The following GATB variants were observed in gnomAD, a reference collection of about 807,000 sequenced individuals.
GATB encodes the protein glutamyl-tRNA amidotransferase subunit B, also known as glutamyl-tRNA(Gln) amidotransferase subunit B, mitochondrial.
In GATB, 39 loss-of-function variants were observed where a neutral mutation model predicts 62.3. The observed-to-expected ratio is 0.63, with a 90% CI of 0.48 to 0.82. GATB has a LOEUF of 0.82. GATB is among the 40% of genes least tolerant of loss of function. The pLI is 0.00. For missense variants in GATB, 670 were observed against 684.0 expected (o/e 0.98, Z 0.23); for synonymous variants, 276 against 258.9 (o/e 1.07, Z -0.63).
chr4:151,716,978 G>C lies in GATB; in HGVS notation c.538C>G (p.Pro180Ala). The change falls in exon 4 of 13, where the codon CCC becomes GCC. Residue 180 changes from proline to alanine, a missense_variant. By Grantham distance (27) the Pro-to-Ala change is conservative (BLOSUM62 -1). Coordinates refer to ENST00000263985, the MANE Select transcript of GATB (RefSeq NM_004564.3). ...CAGKKQSQVI[P>A]KTVRIKQIQL... ...ATCTGCTTGATCCTCACCGTCTTGGGGATCACCTGACTCTGCTTCTTCCCT... is the reference window on the plus strand; with the variant it reads ...ATCTGCTTGATCCTCACCGTCTTGGCGATCACCTGACTCTGCTTCTTCCCT... 3.1e-6 allele frequency: 5 copies of C among 1,614,046 alleles called. No homozygotes were observed. The highest frequency in any genetic ancestry group is 4.2e-6 in the Non-Finnish European group (5 of 1,180,006).
intron 9 of GATB, among the ~76,000 whole-genome samples, chr4:151,693,062 G>A (rs746513199): frequency 2.6e-5 from 4 of 152,214 alleles, no homozygotes; most frequent in African/African-American, 9.6e-5. Context: ...TTGTGCAGAC[G>A]CTGGAGGAGG....
chr4:151,756,381 A>G lies in GATB; in HGVS notation c.327+2391T>C, dbSNP rs552827794. ...CTGTCTAAAGGTTTTAGTGTATTTT[A>G]AATCTATTTAGAGGTAAATCAAAAG... On this transcript the variant is annotated intron_variant, in intron 2 of 12. Transcript: ENST00000263985. 3.7e-4 allele frequency among the ~76,000 whole-genome samples: 56 copies of G among 152,326 alleles called. No individual in the cohort carries two copies. In the South Asian group the frequency reaches 0.011, roughly 31 times the overall value.
chr4:151,686,066 A>AAC (rs1473313055), intron 10 of GATB, among the ~76,000 whole-genome samples: 1 of 122,402 alleles, frequency 8.2e-6, no homozygotes, highest in Non-Finnish European at 1.7e-5. Context: ...AACAAAACAA[A>AAC]ACAAAAAAAA....
At chr4:151,699,164 C>A (rs982098520) in intron 9 of GATB, among the ~76,000 whole-genome samples, 1 of 151,956 alleles carries the variant, frequency 6.6e-6, no homozygotes, top group African/African-American at 2.4e-5. Context: ...CAGAGGCAGG[C>A]GGATCACTTG....
intron 9 of GATB, among the ~76,000 whole-genome samples, chr4:151,697,947 G>GTGTATATATATATATATA (rs1177589943): frequency 0.035 from 2,546 of 73,216 alleles, 274 homozygotes; most frequent in South Asian, 0.18. Context: ...ATGTGTGTGT[G>GTGTATATATATATATATA]TGTGTGTATA....
At chr4:151,672,964 T>A (rs1713510579) in intron 11 of GATB, 68 bp from the exon 12 acceptor site, 11 of 1,570,624 alleles carry the variant, frequency 7.0e-6, no homozygotes, top group Non-Finnish European at 8.7e-6. Context: ...CCATTTGCAG[T>A]GCTGTGCTGT....
chr4:151,692,499 G>C (rs898824501), intron 9 of GATB, among the ~76,000 whole-genome samples: 1 of 152,210 alleles, frequency 6.6e-6, no homozygotes, highest in African/African-American at 2.4e-5. Flanking sequence ...AGGAGAAAAT[G>C]GCAGGTTTAC....
chr4:151,701,779 G>A (rs1443942303), intron 8 of GATB, among the ~76,000 whole-genome samples: 1 of 152,200 alleles, frequency 6.6e-6, no homozygotes, highest in Non-Finnish European at 1.5e-5. Context: ...ACTGGGATTT[G>A]TAACTGTGGA....
Position 151,730,979 on chromosome 4 carries a change from G to C in GATB, c.328-11441C>G, listed in dbSNP as rs927302346. Among the ~76,000 whole-genome samples, 1 of 152,240 alleles carries C rather than the reference G, an allele frequency of 6.6e-6. No individual in the cohort carries two copies. Among genetic ancestry groups the C allele is most frequent in the Non-Finnish European group, 1.5e-5 (1 of 68,046 alleles). ...AGGAGGTCAGCTATTAAGCTAATCA[G>C]GGAGGGACCAGAGAAAGGCGAAGCC... is the stretch of plus-strand genomic sequence containing the variant. On this transcript the variant is annotated intron_variant, in intron 2 of 12. Coordinates refer to ENST00000263985, the MANE Select transcript of GATB (RefSeq NM_004564.3). The surrounding 1 kb of genome is among the most constrained non-coding windows in gnomAD (Gnocchi z 4.1).
Position 151,758,850 on chromosome 4 carries a change from A to G in GATB, c.249T>C (p.Ser83=), listed in dbSNP as rs1174291125. 6.8e-6 allele frequency: 11 copies of G among 1,612,002 alleles called. No individual in the cohort carries two copies. Among genetic ancestry groups the G allele is most frequent in the Non-Finnish European group, 9.3e-6 (11 of 1,178,862 alleles). The change falls in exon 2 of 13, where the codon TCT becomes TCC. Residue 83 remains serine (S), a synonymous_variant. Coordinates refer to ENST00000263985, the MANE Select transcript of GATB (RefSeq NM_004564.3). The stretch of plus-strand genomic sequence containing the variant: ...GTGCTGAAAAGCGAACTTGAGATCC[A>G]GAGAAGAGTTTAGAGTTGGAGGAAA... ...AQISSNSKLF[S]GSQVRFSAPP...
rs1212181364 is a variant in GATB at position 151,760,929 on chromosome 4, G to A, written c.54C>T (p.Ala18=). The A allele has an allele frequency of 4.3e-6, 7 of 1,613,872 alleles. No individual in the cohort carries two copies. The highest frequency in any genetic ancestry group is 5.9e-6 in the Non-Finnish European group (7 of 1,179,948). ...WGCRGRRWAF[A]RVDGGSCHRR... Reference sequence around the variant, plus strand: ...GGTGGCAAGAACCACCGTCAACCCGGGCGAAAGCCCAACGTCTTCCACGGC... The same window carrying A: ...GGTGGCAAGAACCACCGTCAACCCGAGCGAAAGCCCAACGTCTTCCACGGC... The change falls in exon 1 of 13, where the codon GCC becomes GCT. Residue 18 remains alanine (A), a synonymous_variant. Transcript: ENST00000263985.
chr4:151,720,438 T>TCC (rs2126979993), intron 2 of GATB: 1 of 152,272 alleles, frequency 6.6e-6, no homozygotes, highest in Non-Finnish European at 1.5e-5. Flanking sequence ...CTGGAACACC[T>TCC]CCCCTAAGGT....
intron 11 of GATB, among the ~76,000 whole-genome samples, chr4:151,679,540 G>A (rs142663902): frequency 1.3e-5 from 2 of 152,316 alleles, no homozygotes; most frequent in East Asian, 3.9e-4. Context: ...AAGGGCTACA[G>A]GAGACATGTC....
At chr4:151,727,161 T>C (rs1739153634) in intron 2 of GATB, among the ~76,000 whole-genome samples, 1 of 152,240 alleles carries the variant, frequency 6.6e-6, no homozygotes, top group African/African-American at 2.4e-5. Flanking sequence ...GCTCAAGCGG[T>C]GTGCCCGCCT....
chr4:151,755,567 T>G (rs1198928434), intron 2 of GATB, among the ~76,000 whole-genome samples: 1 of 152,212 alleles, frequency 6.6e-6, no homozygotes, highest in Non-Finnish European at 1.5e-5. Context: ...AATTAGCTGT[T>G]TTTTCTTGCT....
At chr4:151,702,771 C>T (rs1738631780) in intron 8 of GATB, among the ~76,000 whole-genome samples, 1 of 152,186 alleles carries the variant, frequency 6.6e-6, no homozygotes, top group East Asian at 1.9e-4. Flanking sequence ...AATGGTTACT[C>T]TCTGCCCATT....
chr4:151,760,920 G>C lies in GATB; in HGVS notation c.63C>G (p.Asp21Glu). Residue 21 changes from aspartate to glutamate, a missense_variant, in exon 1 of 13, where the codon GAC becomes GAG. Asp to Glu is a conservative substitution (Grantham distance 45). Coordinates refer to ENST00000263985, the MANE Select transcript of GATB (RefSeq NM_004564.3). ...RGRRWAFARV[D>E]GGSCHRRGAP... is the part of the protein sequence containing the mutation. ...CCCCTCTTCGGTGGCAAGAACCACC[G>C]TCAACCCGGGCGAAAGCCCAACGTC... 6.2e-7 allele frequency: 1 copy of C among 1,613,878 alleles called. No individual in the cohort carries two copies. Among genetic ancestry groups the C allele is most frequent in the Non-Finnish European group, 8.5e-7 (1 of 1,179,926 alleles).
At chr4:151,674,644 T>G (rs879697479) in intron 11 of GATB, 1 of 152,236 alleles carries the variant, frequency 6.6e-6, no homozygotes, top group Admixed American at 6.5e-5. Context: ...TGTCCTGCTT[T>G]CTTTCATTTA....
At chr4:151,688,889 C>G in intron 9 of GATB, 126 bp from the exon 10 acceptor site, 1 of 798,874 alleles carries the variant, frequency 1.3e-6, no homozygotes, top group Non-Finnish European at 2.0e-6. Flanking sequence ...TTTGCTAAAC[C>G]CTGAGATGTC....
Sources: allele counts gnomAD v4.1 joint callset (sites outside exome capture counted in the v4.1 genomes callset), GRCh38; gene constraint gnomAD v4.1.1; non-coding constraint Gnocchi (gnomAD v3.1); transcripts MANE v1.5; gene names NCBI Gene and HGNC (gene_info 2026-07-23, HGNC 2026-07-21).